Variants in RGS6 observed in about 807,000 individuals in gnomAD.
The protein encoded by RGS6 is regulator of G-protein signaling 6.
A neutral mutation model predicts 78.5 loss-of-function variants in RGS6; 30 were observed. The ratio of observed to expected loss-of-function variants is 0.38; its 90% confidence interval spans 0.29 to 0.52. The LOEUF (loss-of-function observed/expected upper bound fraction) is 0.52. Ranked by LOEUF, RGS6 falls within the 20% of genes least tolerant of loss-of-function variation. RGS6 has a pLI of 0.85. For synonymous variants in RGS6, 206 were observed against 206.0 expected (o/e 1.00, Z 0.00); for missense variants, 495 against 609.7 (o/e 0.81, Z 1.98).
chr14:72,567,862 C>A (rs1599256408), downstream of RGS6, among the ~76,000 whole-genome samples: 1 of 152,256 alleles, frequency 6.6e-6, no homozygotes, highest in East Asian at 1.9e-4. Context: ...CCCCTGACCC[C>A]CGTCGTGGGA....
chr14:72,095,864 T>C (rs944926685), intron 2 of RGS6, among the ~76,000 whole-genome samples: 2 of 152,196 alleles, frequency 1.3e-5, no homozygotes, highest in African/African-American at 4.8e-5. Context: ...TACATTAATG[T>C]ATTTGGTTGT....
the RGS6 span, among the ~76,000 whole-genome samples, chr14:72,595,441 CA>C: frequency 6.8e-6 from 1 of 147,264 alleles, no homozygotes. Flanking sequence ...AAATCATTCC[CA>C]GCAAATTCCT....
intron 3 of RGS6, among the ~76,000 whole-genome samples, chr14:72,414,816 A>T (rs1304424059): frequency 6.6e-6 from 1 of 152,086 alleles, no homozygotes; most frequent in Non-Finnish European, 1.5e-5. Flanking sequence ...CTGGAGGTCC[A>T]CTCCAGAGCC....
chr14:72,028,157 T>C (rs543771375), intron 2 of RGS6, among the ~76,000 whole-genome samples: 1 of 152,354 alleles, frequency 6.6e-6, no homozygotes, highest in South Asian at 2.1e-4. Flanking sequence ...AACTTCTATC[T>C]GGTTGGAAGT....
intron 2 of RGS6, among the ~76,000 whole-genome samples, chr14:72,273,867 G>A (rs958594918): frequency 2.6e-5 from 4 of 152,146 alleles, no homozygotes; most frequent in African/African-American, 4.8e-5. Flanking sequence ...CCTTGACCCC[G>A]GTATGTGCAG....
intron 2 of RGS6, among the ~76,000 whole-genome samples, chr14:72,041,326 C>A (rs906039290): frequency 6.6e-6 from 1 of 152,156 alleles, no homozygotes; most frequent in African/African-American, 2.4e-5. Flanking sequence ...TGTAATTTCC[C>A]AATTAGAGAA....
intron 2 of RGS6, among the ~76,000 whole-genome samples, chr14:72,071,952 A>G (rs2094422565): frequency 6.6e-6 from 1 of 152,222 alleles, no homozygotes; most frequent in Admixed American, 6.5e-5. Context: ...TATTGTTCTC[A>G]GTGCCATATT....
At chr14:72,597,978 C>T in the RGS6 span, among the ~76,000 whole-genome samples, 17 of 152,232 alleles carry the variant, frequency 1.1e-4, no homozygotes, top group African/African-American at 4.1e-4. Flanking sequence ...CTGTGCCCTC[C>T]TAAAATGGCC....
intron 1 of RGS6, among the ~76,000 whole-genome samples, chr14:71,949,280 TATC>T (rs1238748782): frequency 6.6e-6 from 1 of 152,232 alleles, no homozygotes; most frequent in African/African-American, 2.4e-5. Context: ...TTTATATTCC[TATC>T]ATCAGTTCAT....
At chr14:72,027,292 A>G (rs1320331661) in intron 2 of RGS6, among the ~76,000 whole-genome samples, 1 of 152,156 alleles carries the variant, frequency 6.6e-6, no homozygotes, top group Non-Finnish European at 1.5e-5. Flanking sequence ...ATATTGAAAG[A>G]AAGGGGATGG....
At chr14:71,972,878 T>C (rs1383005045) in intron 2 of RGS6, among the ~76,000 whole-genome samples, 1 of 152,158 alleles carries the variant, frequency 6.6e-6, no homozygotes, top group Non-Finnish European at 1.5e-5. Context: ...GAGGAGTCTT[T>C]TCCCTAGGCT....
chr14:72,492,529 G>T (rs2096591543), intron 12 of RGS6, among the ~76,000 whole-genome samples: 1 of 152,198 alleles, frequency 6.6e-6, no homozygotes, highest in Non-Finnish European at 1.5e-5. Flanking sequence ...TGGCGAAAAA[G>T]AATTCTTGTT....
At chr14:72,602,044 C>A in the RGS6 span, among the ~76,000 whole-genome samples, 1 of 152,200 alleles carries the variant, frequency 6.6e-6, no homozygotes, top group Non-Finnish European at 1.5e-5. Flanking sequence ...TGTTGTGTAC[C>A]AGATACGGGG....
the RGS6 span, among the ~76,000 whole-genome samples, chr14:71,925,452 G>A: frequency 6.6e-6 from 1 of 152,026 alleles, no homozygotes; most frequent in Non-Finnish European, 1.5e-5. Context: ...TGAGCCTTTG[G>A]TATAACATCC....
the RGS6 span, among the ~76,000 whole-genome samples, chr14:72,588,111 T>C: frequency 1.6e-4 from 24 of 152,178 alleles, no homozygotes; most frequent in Admixed American, 7.8e-4. Context: ...TGTTATGGTA[T>C]AGATAAAAGA....
chr14:72,418,034 CT>C (rs911240497), intron 3 of RGS6, among the ~76,000 whole-genome samples: 8 of 152,156 alleles, frequency 5.3e-5, no homozygotes, highest in Non-Finnish European at 8.8e-5. Flanking sequence ...ATTCTCCCAC[CT>C]TTCCTCCATC....
intron 17 of RGS6, among the ~76,000 whole-genome samples, chr14:72,560,787 A>AT (rs1349702079): frequency 4.5e-5 from 6 of 133,568 alleles, no homozygotes; most frequent in Non-Finnish European, 9.8e-5. Context: ...TGATGGGGTG[A>AT]TTTTGTGGAC....
chr14:72,398,891 G>A (rs888296305), intron 3 of RGS6, among the ~76,000 whole-genome samples: 8 of 152,074 alleles, frequency 5.3e-5, no homozygotes, highest in African/African-American at 1.7e-4. Context: ...CTGAGTTCTA[G>A]TTTGATTGCA....
intron 2 of RGS6, among the ~76,000 whole-genome samples, chr14:72,339,787 G>C (rs1365871932): frequency 6.6e-6 from 1 of 152,128 alleles, no homozygotes; most frequent in Non-Finnish European, 1.5e-5. Flanking sequence ...AAATCAGCAG[G>C]AAAGGCATGA....
Sources: gnomAD v4.1 joint callset for allele counts (sites outside exome capture counted in the v4.1 genomes callset) on GRCh38, gnomAD v4.1.1 for gene constraint, MANE v1.5 for transcripts, NCBI Gene and HGNC (gene_info 2026-07-23, HGNC 2026-07-21) for gene names.